Variants in RGS3 observed in about 807,000 individuals in gnomAD.
RGS3 encodes the protein regulator of G protein signaling 3.
RGS3 carries 80 observed loss-of-function variants against 132.6 expected under a neutral mutation model. The observed-to-expected ratio is 0.60, with a 90% CI of 0.50 to 0.73. RGS3 has a LOEUF of 0.73. Among genes scored for constraint, RGS3 ranks in the 30% least tolerant of loss-of-function variants. The pLI, the probability that RGS3 is intolerant of heterozygous loss-of-function variation, is 0.00. For synonymous variants in RGS3, 598 were observed against 620.6 expected (o/e 0.96, Z 0.54); for missense variants, 1,382 against 1,530.8 (o/e 0.90, Z 1.62).
intron 16 of RGS3, among the ~76,000 whole-genome samples, chr9:113,521,334 A>G (rs182377681): frequency 6.8e-4 from 103 of 152,348 alleles, no homozygotes; most frequent in Middle Eastern, 6.8e-3. Flanking sequence ...ATTTTGATAT[A>G]TATTCTATAT....
exon 6 of RGS3, chr9:113,484,190 T>C: frequency 6.2e-7 from 1 of 1,613,250 alleles, no homozygotes; most frequent in Non-Finnish European, 8.5e-7. Flanking sequence ...ACGCAGACCG[T>C]TCCAGACTGC....
intron 17 of RGS3, among the ~76,000 whole-genome samples, chr9:113,525,604 A>G (rs546580218): frequency 6.6e-6 from 1 of 152,332 alleles, no homozygotes; most frequent in Non-Finnish European, 1.5e-5. Context: ...ACCACCATGT[A>G]TGCAGAATTC....
intron 7 of RGS3, among the ~76,000 whole-genome samples, chr9:113,493,777 C>T (rs1397862894): frequency 6.6e-6 from 1 of 152,128 alleles, no homozygotes; most frequent in Admixed American, 6.6e-5. Context: ...TTTGGGTTCT[C>T]AGGAAGAAGT....
At chr9:113,594,081 C>T (rs761011876) in intron 21 of RGS3, 4 of 1,613,092 alleles carry the variant, frequency 2.5e-6, no homozygotes, top group Middle Eastern at 1.6e-4. Context: ...CTCCCATTTC[C>T]TGGCTCCTCC....
chr9:113,468,618 A>G (rs896665172), intron 3 of RGS3, among the ~76,000 whole-genome samples: 4 of 152,236 alleles, frequency 2.6e-5, no homozygotes, highest in Non-Finnish European at 5.9e-5. Context: ...TGTTGGATAG[A>G]TAGTTTTAAA....
At chr9:113,500,065 A>G (rs1340389259) in intron 10 of RGS3, among the ~76,000 whole-genome samples, 2 of 151,962 alleles carry the variant, frequency 1.3e-5, no homozygotes, top group Non-Finnish European at 2.9e-5. Flanking sequence ...TTCCTCCAAC[A>G]TCACAGGTTT....
At position 113,543,698 on chromosome 9, in the gene RGS3, C is replaced by A. The variant is rs140664820; in HGVS notation, c.2037+6780C>A. 7.7e-4 allele frequency among the ~76,000 whole-genome samples: 117 copies of A among 152,312 alleles called. 1 individual carries two copies. The highest frequency in any genetic ancestry group is 2.5e-3 in the African/African-American group (105 of 41,574). The stretch of plus-strand genomic sequence containing the variant: ...GACCTGGTGACCTACCTCTGTCTAC[C>A]AGACAGGTGCAGAGGACAGGAGCTC... On this transcript the variant is annotated intron_variant, in intron 19 of 24. Transcript: ENST00000350696.
intron 18 of RGS3, among the ~76,000 whole-genome samples, chr9:113,532,624 G>A (rs1832518970): frequency 6.6e-6 from 1 of 152,206 alleles, no homozygotes; most frequent in African/African-American, 2.4e-5. Context: ...GGTTCTTGTG[G>A]TGTCAGCAAA....
At chr9:113,480,543 A>C (rs1830127581) in intron 4 of RGS3, among the ~76,000 whole-genome samples, 1 of 152,142 alleles carries the variant, frequency 6.6e-6, no homozygotes, top group South Asian at 2.1e-4. Context: ...GGGAACACCA[A>C]GGAGAAGCAC....
At chr9:113,548,160 G>A (rs1833191310) in intron 19 of RGS3, among the ~76,000 whole-genome samples, 1 of 152,318 alleles carries the variant, frequency 6.6e-6, no homozygotes, top group South Asian at 2.1e-4. Context: ...AACAAGCTAG[G>A]TTGTAGAAAC....
chr9:113,497,262 C>A, intron 8 of RGS3, 52 bp from the exon 7 acceptor site: 3 of 1,440,526 alleles, frequency 2.1e-6, no homozygotes, highest in Non-Finnish European at 2.9e-6. Context: ...GGCTGCCTGA[C>A]CTGTGCTTCT....
chr9:113,452,816 A>G (rs1829273267), intron 1 of RGS3, among the ~76,000 whole-genome samples: 1 of 148,450 alleles, frequency 6.7e-6, no homozygotes, highest in Non-Finnish European at 1.5e-5. Context: ...TGTCTAACCC[A>G]TTGTTAATCC....
chr9:113,590,264 TG>T, intron 20 of RGS3, among the ~76,000 whole-genome samples: 1 of 152,162 alleles, frequency 6.6e-6, no homozygotes. Flanking sequence ...ATCTGAATTA[TG>T]CCCCATCCAG....
chr9:113,583,412 C>T, intron 19 of RGS3, 38 bp from the exon 18 acceptor site: 1 of 1,606,138 alleles, frequency 6.2e-7, no homozygotes. Flanking sequence ...TTGGAGCCTC[C>T]TCTTCTGAAC....
intron 3 of RGS3, among the ~76,000 whole-genome samples, chr9:113,470,076 A>G (rs1297704259): frequency 6.6e-6 from 1 of 151,926 alleles, no homozygotes; most frequent in Non-Finnish European, 1.5e-5. Flanking sequence ...ATGCCTGGCT[A>G]ATTTTTGTAT....
chr9:113,541,931 C>T, intron 19 of RGS3: 1 of 934,622 alleles, frequency 1.1e-6, no homozygotes, highest in South Asian at 4.9e-5. Flanking sequence ...GCTGGGGATA[C>T]TGTGGAGAAA....
rs552183401 is a variant in RGS3, at chr9:113,558,861, A to G, written c.2037+21943A>G. ...TTAAACACAATCAATCTTGCTACCT[A>G]TCTCACTGCAGACTGGTAACAAGCA... On this transcript the variant is annotated intron_variant, in intron 19 of 24. Coordinates refer to ENST00000350696, the Ensembl canonical transcript of RGS3. 3.9e-5 allele frequency among the ~76,000 whole-genome samples: 6 copies of G among 152,352 alleles called. No homozygotes were observed. The South Asian group carries it at 8.3e-4, about 21-fold the overall frequency.
intron 11 of RGS3, 56 bp downstream of exon 9, chr9:113,505,579 T>G: frequency 7.2e-7 from 1 of 1,395,178 alleles, no homozygotes; most frequent in Middle Eastern, 1.8e-4. Context: ...ATGTGGGCTT[T>G]GCAAACATAG....
intron 19 of RGS3, among the ~76,000 whole-genome samples, chr9:113,575,000 G>A (rs1374162916): frequency 2.0e-5 from 3 of 152,204 alleles, no homozygotes; most frequent in Non-Finnish European, 4.4e-5. Flanking sequence ...TGGGGACAAA[G>A]ACTACGAGTC....
Sources: allele counts gnomAD v4.1 joint callset (sites outside exome capture counted in the v4.1 genomes callset), GRCh38; gene constraint gnomAD v4.1.1; transcripts MANE v1.5; gene names NCBI Gene and HGNC (gene_info 2026-07-23, HGNC 2026-07-21).